The following PHACTR1 variants were observed in gnomAD, a reference collection of about 807,000 sequenced individuals.
The protein encoded by PHACTR1 is RPEL repeat containing 1.
Under a neutral mutation model 69.2 loss-of-function variants are expected in PHACTR1, and 16 were observed. The ratio of observed to expected loss-of-function variants is 0.23; its 90% CI spans 0.16 to 0.35. PHACTR1 has a LOEUF of 0.35. PHACTR1 is among the 10% of genes least tolerant of loss of function. PHACTR1 has a pLI of 1.00. For synonymous variants in PHACTR1, 312 were observed against 284.5 expected, an observed-to-expected ratio of 1.10 and a Z score of -0.97; for missense variants, 510 against 734.7, an observed-to-expected ratio of 0.69 and a Z score of 3.54.
chr6:13,068,013 T>C (rs1177832286), intron 5 of PHACTR1, among the ~76,000 whole-genome samples: 1 of 152,242 alleles, frequency 6.6e-6, no homozygotes, highest in East Asian at 1.9e-4. Context: ...ATCTTTAACA[T>C]AGGGATAAAA....
intron 8 of PHACTR1, among the ~76,000 whole-genome samples, chr6:13,218,027 T>A (rs1326357460): frequency 6.6e-6 from 1 of 152,268 alleles, no homozygotes; most frequent in African/African-American, 2.4e-5. Context: ...CAGTGTCATA[T>A]TTGTAGATAA....
At chr6:12,889,843 T>C (rs757216442) in intron 4 of PHACTR1, among the ~76,000 whole-genome samples, 3 of 147,534 alleles carry the variant, frequency 2.0e-5, no homozygotes, top group South Asian at 2.1e-4. Flanking sequence ...CAGAGATAGA[T>C]TGGAGTCAAG....
At chr6:13,282,915 C>A (rs552431394) in intron 12 of PHACTR1, among the ~76,000 whole-genome samples, 6 of 152,116 alleles carry the variant, frequency 3.9e-5, no homozygotes, top group African/African-American at 1.4e-4. Context: ...TGTTTACTAT[C>A]GATTTGTATA....
chr6:13,132,771 AG>A (rs1158885546), intron 5 of PHACTR1, among the ~76,000 whole-genome samples: 1 of 151,956 alleles, frequency 6.6e-6, no homozygotes, highest in African/African-American at 2.4e-5. Flanking sequence ...GGCTTCAGCA[AG>A]TCATAATCTT....
intron 10 of PHACTR1, among the ~76,000 whole-genome samples, chr6:13,255,158 T>C (rs982096535): frequency 6.6e-6 from 1 of 152,156 alleles, no homozygotes; most frequent in African/African-American, 2.4e-5. Flanking sequence ...CAATGTGTCA[T>C]ACATGCTAGG....
At chr6:12,984,683 T>C (rs188090858) in intron 4 of PHACTR1, among the ~76,000 whole-genome samples, 3 of 152,366 alleles carry the variant, frequency 2.0e-5, no homozygotes, top group Admixed American at 6.5e-5. Context: ...ATTTATAGGA[T>C]ATTAGCTAAA....
chr6:12,747,849 G>C (rs1360609547), intron 3 of PHACTR1, among the ~76,000 whole-genome samples: 1 of 152,036 alleles, frequency 6.6e-6, no homozygotes, highest in Non-Finnish European at 1.5e-5. Flanking sequence ...GTAAATAATG[G>C]GAGATGAGGA....
intron 6 of PHACTR1, among the ~76,000 whole-genome samples, chr6:13,161,270 G>A (rs570302057): frequency 7.2e-5 from 11 of 152,246 alleles, no homozygotes; most frequent in African/African-American, 2.4e-4. Context: ...GAGCCACCGC[G>A]CCCGGCCTTT....
rs114088180 is a variant in PHACTR1, at chr6:12,850,364, C to T, written c.250+100574C>T. ...CAGGCCCGCGTGCAGATGCAAAGTC[C>T]TCCTTCACTCTTGCTCCAGGGAGCC... is the stretch of plus-strand genomic sequence containing the variant. On this transcript the variant is annotated intron_variant, in intron 4 of 14. Coordinates refer to ENST00000332995, the MANE Select transcript of PHACTR1 (RefSeq NM_030948.6). 2.9e-3 allele frequency among the ~76,000 whole-genome samples: 437 copies of T among 152,382 alleles called. 2 individuals are homozygous for T. The highest frequency in any genetic ancestry group is 8.9e-3 in the African/African-American group (369 of 41,602).
chr6:12,778,972 G>C (rs1770451618), intron 4 of PHACTR1, among the ~76,000 whole-genome samples: 2 of 152,192 alleles, frequency 1.3e-5, no homozygotes, highest in African/African-American at 4.8e-5. Flanking sequence ...AGCCCTACTT[G>C]CCCTTGGCTC....
chr6:12,914,082 C>T (rs1326962172), intron 4 of PHACTR1, among the ~76,000 whole-genome samples: 1 of 152,204 alleles, frequency 6.6e-6, no homozygotes, highest in Non-Finnish European at 1.5e-5. Context: ...AATTCTCCTG[C>T]CTCAGCCTCC....
At chr6:12,969,472 T>G (rs1316387237) in intron 4 of PHACTR1, among the ~76,000 whole-genome samples, 1 of 152,158 alleles carries the variant, frequency 6.6e-6, no homozygotes, top group Admixed American at 6.5e-5. Flanking sequence ...CCTGATATGG[T>G]GACTCATGCT....
intron 5 of PHACTR1, among the ~76,000 whole-genome samples, chr6:13,064,936 A>C (rs1281619964): frequency 2.0e-5 from 3 of 152,060 alleles, no homozygotes; most frequent in Non-Finnish European, 4.4e-5. Flanking sequence ...GCCTCAACTC[A>C]TCTGTTCCGG....
At chr6:13,023,721 G>T (rs763800230) in intron 4 of PHACTR1, among the ~76,000 whole-genome samples, 13 of 152,154 alleles carry the variant, frequency 8.5e-5, no homozygotes, top group African/African-American at 3.1e-4. Flanking sequence ...GAAAGAGTGC[G>T]GAACAAGTAA....
chr6:12,926,666 G>A (rs1788298873), intron 4 of PHACTR1, among the ~76,000 whole-genome samples: 2 of 152,284 alleles, frequency 1.3e-5, no homozygotes, highest in East Asian at 3.9e-4. Flanking sequence ...TCTGGCTTTG[G>A]CAGCTTCTCC....
rs1452682993 is a variant in PHACTR1 at position 13,019,076 on chromosome 6, T to TTC, written c.251-34288_251-34287insCT. On this transcript the variant is annotated intron_variant, in intron 4 of 14. Transcript: ENST00000332995. ...GAAATATATATATATATATATATAT[T>TTC]TTTTCTTTTTCTTTTTGTAGAGACA... Among the ~76,000 whole-genome samples the TTC allele has an allele frequency of 1.4e-3, 208 of 147,304 alleles. 3 individuals carry two copies. The highest frequency in any genetic ancestry group is 5.0e-3 in the African/African-American group (202 of 40,102).
chr6:12,921,030 C>G (rs1016045736), intron 4 of PHACTR1, among the ~76,000 whole-genome samples: 7 of 152,198 alleles, frequency 4.6e-5, no homozygotes, highest in African/African-American at 1.7e-4. Context: ...GCACTTGTCC[C>G]CAGTTCAGAG....
At chr6:13,041,284 T>C (rs1804093026) in intron 4 of PHACTR1, among the ~76,000 whole-genome samples, 1 of 150,374 alleles carries the variant, frequency 6.7e-6, no homozygotes, top group African/African-American at 2.4e-5. Context: ...CCTTACTTTC[T>C]GAGTAATAAT....
At chr6:12,925,912 C>T (rs1417069596) in intron 4 of PHACTR1, among the ~76,000 whole-genome samples, 1 of 152,214 alleles carries the variant, frequency 6.6e-6, no homozygotes. Flanking sequence ...ACTCCACTTT[C>T]CATCCTAACA....
Sources: gnomAD v4.1 joint callset for allele counts (sites outside exome capture counted in the v4.1 genomes callset) on GRCh38, gnomAD v4.1.1 for gene constraint, MANE v1.5 for transcripts, NCBI Gene and HGNC (gene_info 2026-07-23, HGNC 2026-07-21) for gene names.